Variants in NCOA3 observed in about 807,000 individuals in gnomAD.
NCOA3 encodes the protein CBP-interacting protein.
NCOA3 carries 51 observed loss-of-function variants against 158.8 expected under a neutral mutation model. The observed-to-expected ratio is 0.32, with a 90% CI of 0.26 to 0.41. The LOEUF (loss-of-function observed/expected upper bound fraction) is 0.41. Among genes scored for constraint, NCOA3 ranks in the 10% least tolerant of loss-of-function variants. The pLI is 1.00. For missense variants in NCOA3, 1,510 were observed against 1,746.6 expected (o/e 0.86, Z 2.41); for synonymous variants, 537 against 592.4 (o/e 0.91, Z 1.36).
Position 47,633,636 on chromosome 20 carries a change from G to C in NCOA3, c.964G>C (p.Ala322Pro). 4 of 1,608,758 alleles carry C rather than the reference G, an allele frequency of 2.5e-6. No individual in the cohort carries two copies. The highest frequency in any genetic ancestry group is 3.4e-6 in the Non-Finnish European group (4 of 1,178,700). The change falls in exon 9 of 23, where the codon GCT becomes CCT. Residue 322 changes from alanine to proline, a missense_variant and splice_region_variant. By Grantham distance (27) the Ala-to-Pro change is conservative (BLOSUM62 -1). Around this residue, in one of 4 missense-constraint regions of NCOA3, gnomAD observed 309 missense variants for 427.1 expected, o/e 0.72. Coordinates refer to ENST00000371998, the MANE Select transcript of NCOA3 (RefSeq NM_181659.3). ...SWSQKRHYQE[A>P]YLNGHAETPV... ...GTCCCAGAAACGTCACTATCAAGAA[G>C]GTAAAGAATTTTGGGGTTGATTGTT...
At chr20:47,581,137 C>T (rs955887161) in intron 1 of NCOA3, among the ~76,000 whole-genome samples, 3 of 151,842 alleles carry the variant, frequency 2.0e-5, no homozygotes, top group Non-Finnish European at 2.9e-5. Flanking sequence ...AACTTTGGTG[C>T]ACAAAATTAT....
rs564099774 is a variant in NCOA3, at chr20:47,515,288, C to T, written c.-99+13269C>T. Among the ~76,000 whole-genome samples, 142 of 151,754 alleles carry T rather than the reference C, an allele frequency of 9.4e-4. 1 individual carries two copies. The highest frequency in any genetic ancestry group is 3.2e-3 in the African/African-American group (132 of 41,432). On this transcript the variant is annotated intron_variant, in intron 1 of 22. Transcript: ENST00000371998. ...AACAATTCTCCTGCCTCAGCCTCCC[C>T]AGTAGCTGGGACTACAGGCGCGCAC... is the stretch of plus-strand genomic sequence containing the variant.
chr20:47,639,679 C>G lies in NCOA3; in HGVS notation c.2810C>G (p.Ser937Cys), dbSNP rs142951578. The change falls in exon 15 of 23, where the codon TCC becomes TGC. Residue 937 changes from serine (S) to cysteine (C), a missense_variant. Around this residue, in one of 4 missense-constraint regions of NCOA3, gnomAD observed 1,017 missense variants for 1,098.3 expected, o/e 0.93. Coordinates refer to ENST00000371998, the MANE Select transcript of NCOA3 (RefSeq NM_181659.3). ...AGRMEPMNSN[S>C]MGRPGGDYNT... ...AGAATGGAACCTATGAATTCAAACT[C>G]CATGGGAAGACCAGGAGGAGATTAT... is the stretch of plus-strand genomic sequence containing the variant. The G allele has an allele frequency of 2.4e-4, 380 of 1,614,106 alleles. 5 individuals carry two copies. In the Middle Eastern group the frequency reaches 2.8e-3, roughly 12 times the overall value.
chr20:47,537,278 C>T (rs993742485), intron 1 of NCOA3, among the ~76,000 whole-genome samples: 2 of 152,088 alleles, frequency 1.3e-5, no homozygotes, highest in East Asian at 1.9e-4. Context: ...TTTTCAGTTA[C>T]GTTCTTTACT....
chr20:47,632,475 C>T (rs2086435912), intron 8 of NCOA3, among the ~76,000 whole-genome samples: 2 of 151,362 alleles, frequency 1.3e-5, no homozygotes, highest in African/African-American at 4.9e-5. Flanking sequence ...GTAACCTCTG[C>T]CTCCCGGGTT....
chr20:47,522,820 AT>A (rs2084365926), intron 1 of NCOA3, among the ~76,000 whole-genome samples: 1 of 151,114 alleles, frequency 6.6e-6, no homozygotes, highest in Non-Finnish European at 1.5e-5. Context: ...AATGGCCTGC[AT>A]TTGCATATCA....
rs1335082838 is a variant in NCOA3 at position 47,655,926 on chromosome 20, C to CT, written c.*2513dup. ...TTCATTTGGTGCAAACTCAAGATTT[C>CT]TTTTAATAGGTGCAGTCTTTGAGAT... On this transcript the variant is annotated 3_prime_UTR_variant, in exon 23 of 23. Coordinates refer to ENST00000371998, the MANE Select transcript of NCOA3 (RefSeq NM_181659.3). 6.6e-6 allele frequency: 1 copy of CT among 152,240 alleles called. No individual in the cohort carries two copies. The highest frequency in any genetic ancestry group is 1.5e-5 in the Non-Finnish European group (1 of 67,936). 9.4% of individuals were successfully genotyped at this position (152,240 alleles called of 1,614,324 possible).
At chr20:47,553,806 C>T (rs2084959958) in intron 1 of NCOA3, among the ~76,000 whole-genome samples, 1 of 152,090 alleles carries the variant, frequency 6.6e-6, no homozygotes, top group Non-Finnish European at 1.5e-5. Flanking sequence ...CACTGTTGGA[C>T]ATTTGGGTTG....
chr20:47,520,798 C>G lies in NCOA3; in HGVS notation c.-99+18779C>G, dbSNP rs115949651. Among the ~76,000 whole-genome samples, 147 of 152,260 alleles carry G rather than the reference C, an allele frequency of 9.7e-4. 1 individual carries two copies. The highest frequency in any genetic ancestry group is 3.5e-3 in the African/African-American group (144 of 41,560). On this transcript the variant is annotated intron_variant, in intron 1 of 22. Transcript: ENST00000371998. Reference sequence around the variant, plus strand: ...TTGCGCTCACTGAACTTGTGTTGTCCTCTCTGGCTGCTCCCCTGAGGGAGA... The same window carrying G: ...TTGCGCTCACTGAACTTGTGTTGTCGTCTCTGGCTGCTCCCCTGAGGGAGA...
intron 17 of NCOA3, 25 bp downstream of exon 17, chr20:47,642,409 G>A: frequency 6.4e-7 from 1 of 1,563,832 alleles, no homozygotes; most frequent in Non-Finnish European, 8.6e-7. Flanking sequence ...CATGGAAGTA[G>A]GAGAGTGTAT....
At chr20:47,629,717 C>T (rs2086382550) in intron 8 of NCOA3, among the ~76,000 whole-genome samples, 1 of 152,116 alleles carries the variant, frequency 6.6e-6, no homozygotes, top group East Asian at 1.9e-4. Context: ...ATTATTTTAT[C>T]CTTTTAGAGT....
At chr20:47,616,372 T>C (rs1183546454) in intron 2 of NCOA3, among the ~76,000 whole-genome samples, 1 of 151,558 alleles carries the variant, frequency 6.6e-6, no homozygotes, top group Non-Finnish European at 1.5e-5. Flanking sequence ...TTTGTACTTT[T>C]AGTAGAGATG....
chr20:47,502,762 T>C (rs2083960640), intron 1 of NCOA3, among the ~76,000 whole-genome samples: 1 of 151,314 alleles, frequency 6.6e-6, no homozygotes, highest in South Asian at 2.1e-4. Context: ...CAGTTCGTCA[T>C]GGTTTAAATA....
Position 47,634,108 on chromosome 20 carries a change from T to C in NCOA3, c.1025T>C (p.Ile342Thr), listed in dbSNP as rs1323145522. The change falls in exon 10 of 23, where the codon ATA becomes ACA. Residue 342 changes from isoleucine to threonine, a missense_variant. Around this residue, in one of 4 missense-constraint regions of NCOA3, gnomAD observed 309 missense variants for 427.1 expected, o/e 0.72. Transcript: ENST00000371998. Reference protein sequence around the residue: ...VYRFSLADGTIVTAQTKSKLF... With the variant: ...VYRFSLADGTTVTAQTKSKLF... The stretch of plus-strand genomic sequence containing the variant: ...CGATTCTCGTTGGCTGATGGAACTA[T>C]AGTGACTGCACAGACAAAAAGCAAA... 2 of 1,614,176 alleles carry C rather than the reference T, an allele frequency of 1.2e-6. No individual in the cohort carries two copies. The highest frequency in any genetic ancestry group is 1.7e-6 in the Non-Finnish European group (2 of 1,180,014).
chr20:47,566,074 A>G (rs2085190006), intron 1 of NCOA3, among the ~76,000 whole-genome samples: 1 of 151,918 alleles, frequency 6.6e-6, no homozygotes, highest in Non-Finnish European at 1.5e-5. Context: ...CCCGGGTTCA[A>G]GCGATTTCTG....
At chr20:47,591,336 T>A (rs1297864116) in intron 2 of NCOA3, among the ~76,000 whole-genome samples, 5 of 152,252 alleles carry the variant, frequency 3.3e-5, no homozygotes, top group East Asian at 1.9e-4. Context: ...CAGTAGTTCA[T>A]TGCCCAGAGT....
chr20:47,650,706 A>G (rs1323855458), intron 19 of NCOA3, among the ~76,000 whole-genome samples: 1 of 151,986 alleles, frequency 6.6e-6, no homozygotes, highest in African/African-American at 2.4e-5. Flanking sequence ...TCTACTAAAA[A>G]TACAAAAATT....
intron 1 of NCOA3, among the ~76,000 whole-genome samples, chr20:47,521,961 C>T (rs564718348): frequency 6.6e-6 from 1 of 152,116 alleles, no homozygotes; most frequent in African/African-American, 2.4e-5. Flanking sequence ...TGCATTGAAT[C>T]GGTTGATCAA....
intron 20 of NCOA3, 48 bp from the exon 21 acceptor site, chr20:47,652,358 G>C (rs554556142): frequency 6.6e-7 from 1 of 1,518,076 alleles, no homozygotes; most frequent in East Asian, 2.3e-5. Flanking sequence ...GATATTCTAA[G>C]GAGAAGGCAT....
Sources: gnomAD v4.1 joint callset for allele counts (sites outside exome capture counted in the v4.1 genomes callset) on GRCh38, gnomAD v4.1.1 for gene constraint, gnomAD v4.1.1 regional missense constraint, MANE v1.5 for transcripts, NCBI Gene and HGNC (gene_info 2026-07-23, HGNC 2026-07-21) for gene names.